The following PHKB variants were observed in gnomAD, a reference collection of about 807,000 sequenced individuals.
The protein encoded by PHKB is phosphorylase kinase regulatory subunit beta, also known as phosphorylase b kinase regulatory subunit beta.
Under a neutral mutation model 152.1 loss-of-function variants are expected in PHKB, and 122 were observed. The ratio of observed to expected loss-of-function variants is 0.80; its 90% CI spans 0.69 to 0.93. The LOEUF is 0.93. Among genes scored for constraint, PHKB ranks in the 40% least tolerant of loss-of-function variants. PHKB has a pLI of 0.00. For missense variants in PHKB, 1,304 were observed against 1,328.4 expected, an observed-to-expected ratio of 0.98 and a Z score of 0.29; for synonymous variants, 436 against 464.9, an observed-to-expected ratio of 0.94 and a Z score of 0.80.
At chr16:47,677,065 G>A (rs898021274) in intron 26 of PHKB, among the ~76,000 whole-genome samples, 1 of 152,200 alleles carries the variant, frequency 6.6e-6, no homozygotes, top group African/African-American at 2.4e-5. Context: ...GTCATAGATA[G>A]CAGACTATAA....
chr16:47,537,823 T>A (rs1031613063), intron 6 of PHKB, among the ~76,000 whole-genome samples: 3 of 152,014 alleles, frequency 2.0e-5, no homozygotes, highest in Non-Finnish European at 2.9e-5. Flanking sequence ...AGGATTAGAA[T>A]GGAAAAATCA....
Position 47,699,542 on chromosome 16 carries a change from G to A in PHKB, c.*176G>A, listed in dbSNP as rs567533818. 1.4e-6 allele frequency: 1 copy of A among 721,378 alleles called. No individual in the cohort carries two copies. Among genetic ancestry groups the A allele is most frequent in the South Asian group, 1.5e-5 (1 of 66,132 alleles). 44.7% of individuals were successfully genotyped at this position (721,378 alleles called of 1,614,324 possible). ...ATGTCATAGCCAATCTAACGGTAAT[G>A]GTAAATGCTTTTAATCAAGCAGGAA... On this transcript the variant is annotated 3_prime_UTR_variant, in exon 31 of 31. Coordinates refer to ENST00000323584, the MANE Select transcript of PHKB (RefSeq NM_000293.3).
intron 13 of PHKB, among the ~76,000 whole-genome samples, chr16:47,606,562 T>C (rs1567324835): frequency 6.6e-6 from 1 of 152,248 alleles, no homozygotes; most frequent in Non-Finnish European, 1.5e-5. Context: ...GTTTTTGTTT[T>C]TGTTCAATTA....
chr16:47,610,467 G>A (rs1248676337), intron 13 of PHKB, among the ~76,000 whole-genome samples: 1 of 152,008 alleles, frequency 6.6e-6, no homozygotes, highest in Admixed American at 6.6e-5. Context: ...CATCTCATCA[G>A]AAAGTATATT....
chr16:47,664,773 A>G (rs545799593), intron 24 of PHKB, 112 bp from the exon 25 acceptor site: 10 of 743,910 alleles, frequency 1.3e-5, no homozygotes, highest in South Asian at 5.9e-5. Context: ...TGCATTTCAG[A>G]TAAATCATTA....
At chr16:47,558,717 A>G (rs1440786832) in intron 7 of PHKB, among the ~76,000 whole-genome samples, 1 of 151,986 alleles carries the variant, frequency 6.6e-6, no homozygotes, top group Non-Finnish European at 1.5e-5. Context: ...CCTGGAGAAT[A>G]TTTGTATTTG....
intron 20 of PHKB, among the ~76,000 whole-genome samples, chr16:47,652,834 C>T (rs1973262661): frequency 6.6e-6 from 1 of 152,006 alleles, no homozygotes; most frequent in Non-Finnish European, 1.5e-5. Flanking sequence ...GTAGAGACAG[C>T]ATCTTGCTAT....
chr16:47,669,470 A>G, intron 26 of PHKB, 53 bp downstream of exon 26: 11 of 1,513,690 alleles, frequency 7.3e-6, no homozygotes, highest in Non-Finnish European at 9.2e-6. Flanking sequence ...GTTGTCCTCT[A>G]ACAGACCCGG....
At chr16:47,620,757 C>T (rs1184702049) in intron 14 of PHKB, among the ~76,000 whole-genome samples, 1 of 151,972 alleles carries the variant, frequency 6.6e-6, no homozygotes, top group Non-Finnish European at 1.5e-5. Flanking sequence ...ACTTGTAGTC[C>T]CAGCTACTCG....
At chr16:47,486,564 A>G (rs961137947) in intron 1 of PHKB, among the ~76,000 whole-genome samples, 1 of 152,122 alleles carries the variant, frequency 6.6e-6, no homozygotes, top group African/African-American at 2.4e-5. Context: ...TAAGCCAAAG[A>G]TGTAGTTTGC....
chr16:47,580,652 G>T (rs1370206344), intron 8 of PHKB, among the ~76,000 whole-genome samples: 2 of 150,260 alleles, frequency 1.3e-5, no homozygotes, highest in Admixed American at 1.3e-4. Context: ...TCATTTTGTA[G>T]AAGGTTTCAC....
chr16:47,570,666 T>G (rs915069080), intron 7 of PHKB, among the ~76,000 whole-genome samples: 1 of 151,748 alleles, frequency 6.6e-6, no homozygotes, highest in Non-Finnish European at 1.5e-5. Flanking sequence ...CTCTAGAAAA[T>G]TTCATTCATA....
intron 14 of PHKB, among the ~76,000 whole-genome samples, chr16:47,611,892 T>C (rs1972434918): frequency 6.6e-6 from 1 of 152,214 alleles, no homozygotes; most frequent in African/African-American, 2.4e-5. Context: ...TGTTAATATG[T>C]GATGAAAATT....
At chr16:47,517,624 A>G (rs1020235708) in intron 6 of PHKB, among the ~76,000 whole-genome samples, 1 of 152,038 alleles carries the variant, frequency 6.6e-6, no homozygotes, top group African/African-American at 2.4e-5. Context: ...GTCATAATTC[A>G]TTTTGTATTT....
Position 47,471,047 on chromosome 16 carries a change from A to C in PHKB, c.76+9621A>C, listed in dbSNP as rs76566666. On this transcript the variant is annotated intron_variant, in intron 1 of 30. Coordinates refer to ENST00000323584, the MANE Select transcript of PHKB (RefSeq NM_000293.3). ...CTATTGTTGCCTGGGTGATTTTTCT[A>C]AAATGAACTAACCCTTAAGTGGTTA... 2.0e-5 allele frequency among the ~76,000 whole-genome samples: 3 copies of C among 152,332 alleles called. No homozygotes were observed. In the East Asian group the frequency reaches 5.8e-4, roughly 29 times the overall value.
chr16:47,510,786 A>G (rs16945387), intron 4 of PHKB, among the ~76,000 whole-genome samples: 20,082 of 152,200 alleles, frequency 0.13, 2,425 homozygotes, highest in African/African-American at 0.32. Flanking sequence ...ATTGAAACAA[A>G]GCAAGAATGC....
intron 1 of PHKB, among the ~76,000 whole-genome samples, chr16:47,473,247 T>A (rs1969810062): frequency 7.6e-6 from 1 of 131,832 alleles, no homozygotes; most frequent in African/African-American, 2.8e-5. Context: ...TTTTTTTTTT[T>A]TTTTTATTGT....
In PHKB at chr16:47,540,121, G is replaced by T. The variant is rs377034218; in HGVS notation, c.595-7312G>T. On this transcript the variant is annotated intron_variant, in intron 6 of 30. Coordinates refer to ENST00000323584, the MANE Select transcript of PHKB (RefSeq NM_000293.3). ...ATATTAAGACCCTAGGAAAAGAATT[G>T]CATTCCTTGGGGAAGGTCTATAAAC... Among the ~76,000 whole-genome samples, 11 of 152,212 alleles carry T rather than the reference G, an allele frequency of 7.2e-5. No individual in the cohort carries two copies. In the East Asian group the frequency reaches 1.9e-3, roughly 27 times the overall value.
chr16:47,576,637 A>C (rs1971754144), intron 7 of PHKB, among the ~76,000 whole-genome samples: 1 of 151,032 alleles, frequency 6.6e-6, no homozygotes. Context: ...ACATTTTGCA[A>C]CTCTGGCGCA....
Sources: allele counts gnomAD v4.1 joint callset (sites outside exome capture counted in the v4.1 genomes callset), GRCh38; gene constraint gnomAD v4.1.1; transcripts MANE v1.5; gene names NCBI Gene and HGNC (gene_info 2026-07-23, HGNC 2026-07-21).